Variants in NYAP2 observed in about 807,000 individuals in gnomAD.
NYAP2 encodes the protein neuronal tyrosine-phosphorylated phosphoinositide-3-kinase adaptor 2.
NYAP2 carries 23 observed loss-of-function variants against 50.4 expected under a neutral mutation model. The ratio of observed to expected loss-of-function variants is 0.46; its 90% CI spans 0.33 to 0.65. The LOEUF is 0.65. NYAP2 is among the 30% of genes least tolerant of loss of function. The pLI is 0.02. For synonymous variants in NYAP2, 394 were observed against 365.2 expected (o/e 1.08, Z -0.90); for missense variants, 885 against 861.0 (o/e 1.03, Z -0.35).
intron 4 of NYAP2, among the ~76,000 whole-genome samples, chr2:225,552,429 A>G (rs887084286): frequency 3.9e-5 from 6 of 152,208 alleles, no homozygotes; most frequent in Admixed American, 2.6e-4. Context: ...CCAAATTCAT[A>G]TGATGAATTC....
At chr2:225,522,502 G>A (rs1298675792) in intron 4 of NYAP2, among the ~76,000 whole-genome samples, 1 of 152,156 alleles carries the variant, frequency 6.6e-6, no homozygotes, top group Non-Finnish European at 1.5e-5. Flanking sequence ...ACCAAGTGAA[G>A]CTGAAGTTTG....
intron 6 of NYAP2, among the ~76,000 whole-genome samples, chr2:225,635,694 G>T (rs987270214): frequency 1.3e-5 from 2 of 152,102 alleles, no homozygotes; most frequent in Non-Finnish European, 2.9e-5. Context: ...AAAGATTTGT[G>T]GCCAGTGTGA....
chr2:225,612,855 C>CACACCCAATGGGTGTGA (rs1277985514), intron 5 of NYAP2, among the ~76,000 whole-genome samples: 1 of 149,954 alleles, frequency 6.7e-6, no homozygotes, highest in Non-Finnish European at 1.5e-5. Flanking sequence ...GACATCACAT[C>CACACCCAATGGGTGTGA]TGGGTCTAGA....
At chr2:225,481,094 C>A (rs1360466708) in intron 3 of NYAP2, among the ~76,000 whole-genome samples, 2 of 152,064 alleles carry the variant, frequency 1.3e-5, no homozygotes, top group East Asian at 3.9e-4. Context: ...AGGGAAAACT[C>A]AGAGAAATGT....
At chr2:225,451,303 G>A (rs951914713) in intron 3 of NYAP2, among the ~76,000 whole-genome samples, 1 of 151,762 alleles carries the variant, frequency 6.6e-6, no homozygotes. Flanking sequence ...ATGGCAAAAA[G>A]GCTTTTTTCT....
At chr2:225,654,206 C>T (rs1328426395), downstream of NYAP2, among the ~76,000 whole-genome samples, 1 of 152,070 alleles carries the variant, frequency 6.6e-6, no homozygotes, top group Non-Finnish European at 1.5e-5. Context: ...CTAACAATGA[C>T]TACTCATACC....
At chr2:225,615,452 C>A (rs1341284793) in intron 5 of NYAP2, among the ~76,000 whole-genome samples, 1 of 152,074 alleles carries the variant, frequency 6.6e-6, no homozygotes, top group Non-Finnish European at 1.5e-5. Flanking sequence ...AAGAATAATT[C>A]CAACGTCTGG....
chr2:225,603,972 T>C (rs936786673), intron 5 of NYAP2, among the ~76,000 whole-genome samples: 2 of 152,024 alleles, frequency 1.3e-5, no homozygotes, highest in Non-Finnish European at 2.9e-5. Flanking sequence ...AGATAATTTA[T>C]GAAAAAAGAT....
At chr2:225,637,408 C>T (rs1168061594) in intron 6 of NYAP2, among the ~76,000 whole-genome samples, 2 of 152,158 alleles carry the variant, frequency 1.3e-5, no homozygotes, top group African/African-American at 2.4e-5. Flanking sequence ...CAGCTGTGAA[C>T]TTCCAGAGTT....
At chr2:225,642,929 A>G (rs1693558064) in intron 6 of NYAP2, among the ~76,000 whole-genome samples, 1 of 152,212 alleles carries the variant, frequency 6.6e-6, no homozygotes, top group East Asian at 1.9e-4. Flanking sequence ...GTGTTAGAAC[A>G]TTTGAACAAA....
chr2:225,473,143 G>T (rs904249751), intron 3 of NYAP2, among the ~76,000 whole-genome samples: 5 of 151,752 alleles, frequency 3.3e-5, no homozygotes, highest in Admixed American at 1.3e-4. Context: ...TGAACTCATC[G>T]TTTTTTATGG....
At chr2:225,558,299 A>G (rs1391340170) in intron 4 of NYAP2, among the ~76,000 whole-genome samples, 1 of 152,196 alleles carries the variant, frequency 6.6e-6, no homozygotes, top group Non-Finnish European at 1.5e-5. Context: ...TCTGTCTAAC[A>G]TGAGTCTCAC....
At chr2:225,601,166 G>C (rs1419158761) in intron 5 of NYAP2, among the ~76,000 whole-genome samples, 1 of 149,548 alleles carries the variant, frequency 6.7e-6, no homozygotes, top group Non-Finnish European at 1.5e-5. Flanking sequence ...CTGTCCCCAG[G>C]CTGGAGAGCA....
At chr2:225,531,471 T>C (rs1691252537) in intron 4 of NYAP2, among the ~76,000 whole-genome samples, 1 of 152,230 alleles carries the variant, frequency 6.6e-6, no homozygotes, top group Admixed American at 6.5e-5. Flanking sequence ...TGCCTATCTT[T>C]TTTGTATCCC....
intron 4 of NYAP2, among the ~76,000 whole-genome samples, chr2:225,514,176 T>C (rs531535883): frequency 5.3e-4 from 81 of 152,350 alleles, no homozygotes; most frequent in African/African-American, 1.9e-3. Context: ...TTTACCTTTA[T>C]CTGCCTGTGT....
chr2:225,520,150 T>C (rs900111868), intron 4 of NYAP2, among the ~76,000 whole-genome samples: 6 of 152,238 alleles, frequency 3.9e-5, no homozygotes, highest in African/African-American at 1.4e-4. Context: ...TTGTTTGAGT[T>C]CATCGTAGAT....
At chr2:225,406,688 C>T (rs894296553) in intron 2 of NYAP2, among the ~76,000 whole-genome samples, 3 of 151,980 alleles carry the variant, frequency 2.0e-5, no homozygotes, top group Non-Finnish European at 4.4e-5. Context: ...TCATTTTCAT[C>T]TCAAAAAATT....
At chr2:225,439,098 G>A (rs1689430101) in intron 3 of NYAP2, among the ~76,000 whole-genome samples, 1 of 152,190 alleles carries the variant, frequency 6.6e-6, no homozygotes, top group Non-Finnish European at 1.5e-5. Flanking sequence ...TTTGGGGACT[G>A]TGGAGGATCC....
chr2:225,507,654 A>G (rs1029480371), intron 3 of NYAP2, among the ~76,000 whole-genome samples: 4 of 152,246 alleles, frequency 2.6e-5, no homozygotes, highest in Non-Finnish European at 4.4e-5. Flanking sequence ...ACATGGTACC[A>G]TATGGCATGC....
Sources: allele counts gnomAD v4.1 joint callset (sites outside exome capture counted in the v4.1 genomes callset), GRCh38; gene constraint gnomAD v4.1.1; transcripts MANE v1.5; gene names NCBI Gene and HGNC (gene_info 2026-07-23, HGNC 2026-07-21).